The following GRIA1 variants were observed in gnomAD, a reference collection of about 807,000 sequenced individuals.
The protein encoded by GRIA1 is glutamate receptor 1.
A neutral mutation model predicts 99.2 loss-of-function variants in GRIA1; 31 were observed. The ratio of observed to expected loss-of-function variants is 0.31; its 90% CI spans 0.23 to 0.42. The LOEUF (loss-of-function observed/expected upper bound fraction) is 0.42, where lower values mean the gene tolerates loss of function less well. GRIA1 is among the 10% of genes least tolerant of loss of function. The pLI is 1.00. For synonymous variants in GRIA1, 438 were observed against 432.4 expected (o/e 1.01, Z -0.16); for missense variants, 782 against 1,157.5 (o/e 0.68, Z 4.71).
chr5:153,704,747 C>T (rs1420162079), intron 10 of GRIA1, among the ~76,000 whole-genome samples: 2 of 152,168 alleles, frequency 1.3e-5, no homozygotes, highest in African/African-American at 4.8e-5. Flanking sequence ...TATATGCCAC[C>T]TCTTCCAAGA....
At chr5:153,793,629 TAA>T (rs1048323452) in intron 13 of GRIA1, among the ~76,000 whole-genome samples, 2 of 152,216 alleles carry the variant, frequency 1.3e-5, no homozygotes, top group Non-Finnish European at 2.9e-5. Flanking sequence ...TAAACCCTTA[TAA>T]GTCACACTTG....
intron 2 of GRIA1, among the ~76,000 whole-genome samples, chr5:153,613,596 T>A (rs1201435894): frequency 6.6e-6 from 1 of 151,988 alleles, no homozygotes; most frequent in Non-Finnish European, 1.5e-5. Flanking sequence ...CCTCTCTTCC[T>A]CTCCTTTATA....
At chr5:153,611,014 A>T (rs985529188) in intron 2 of GRIA1, among the ~76,000 whole-genome samples, 1 of 152,086 alleles carries the variant, frequency 6.6e-6, no homozygotes, top group East Asian at 1.9e-4. Flanking sequence ...TCTTAGTTGG[A>T]TATGGGGATT....
At chr5:153,733,120 G>T (rs1761158280) in intron 11 of GRIA1, among the ~76,000 whole-genome samples, 1 of 151,250 alleles carries the variant, frequency 6.6e-6, no homozygotes, top group Admixed American at 6.6e-5. Flanking sequence ...ATTTGTTATT[G>T]GTTTGTTATA....
chr5:153,717,439 T>C (rs1455024805), intron 11 of GRIA1, among the ~76,000 whole-genome samples: 1 of 152,016 alleles, frequency 6.6e-6, no homozygotes. Flanking sequence ...TACCAATGAA[T>C]ACCTAGAAAG....
intron 2 of GRIA1, among the ~76,000 whole-genome samples, chr5:153,496,202 T>C (rs906343850): frequency 2.6e-5 from 4 of 152,254 alleles, no homozygotes; most frequent in African/African-American, 9.6e-5. Context: ...ATAGGGTTAA[T>C]GACTGTTTAT....
At chr5:153,691,398 T>C (rs554318013) in intron 8 of GRIA1, among the ~76,000 whole-genome samples, 2 of 152,298 alleles carry the variant, frequency 1.3e-5, no homozygotes, top group South Asian at 4.1e-4. Context: ...CCCATCACCA[T>C]TGTTCCTATA....
intron 2 of GRIA1, among the ~76,000 whole-genome samples, chr5:153,528,568 C>G (rs1013196989): frequency 9.9e-5 from 15 of 152,168 alleles, no homozygotes; most frequent in Admixed American, 6.5e-5. Flanking sequence ...TGCATTTCTA[C>G]CAAGTTCCAG....
intron 5 of GRIA1, among the ~76,000 whole-genome samples, chr5:153,658,244 G>T (rs1207172936): frequency 6.6e-6 from 1 of 152,112 alleles, no homozygotes; most frequent in Non-Finnish European, 1.5e-5. Flanking sequence ...CAAGGGTGGG[G>T]ATAGGCATAA....
intron 2 of GRIA1, among the ~76,000 whole-genome samples, chr5:153,629,708 C>T (rs768523574): frequency 6.6e-6 from 1 of 152,250 alleles, no homozygotes; most frequent in South Asian, 2.1e-4. Flanking sequence ...TTAGGATCCT[C>T]ATCTTGGAAA....
intron 12 of GRIA1, among the ~76,000 whole-genome samples, chr5:153,766,946 C>A (rs937882486): frequency 9.2e-5 from 14 of 152,304 alleles, no homozygotes; most frequent in African/African-American, 2.9e-4. Flanking sequence ...GTGCCCAGGC[C>A]TACTACATTG....
In GRIA1 at chr5:153,699,085, G is replaced by A. The variant is rs1324115377; in HGVS notation, c.1452+12G>A. On this transcript the variant is annotated intron_variant, in intron 10 of 15. Coordinates refer to ENST00000285900, the MANE Select transcript of GRIA1 (RefSeq NM_000827.4). ...AGCTGGTCTATGGAGTAAGTTCACT[G>A]CAGGGTGGGAAATTAGAGGGCGGAG... The A allele has an allele frequency of 6.3e-7, 1 of 1,594,684 alleles. No homozygotes were observed.
chr5:153,670,444 T>A (rs76702390), intron 5 of GRIA1, among the ~76,000 whole-genome samples: 1 of 52,470 alleles, frequency 1.9e-5, no homozygotes, highest in Non-Finnish European at 6.3e-5. Context: ...ATTAATTTCA[T>A]TTTTTTTTTT....
At chr5:153,611,838 C>T (rs1493383) in intron 2 of GRIA1, among the ~76,000 whole-genome samples, 21,418 of 152,240 alleles carry the variant, frequency 0.14, 1,710 homozygotes, top group Middle Eastern at 0.21. Flanking sequence ...CTCACCGGCT[C>T]ATTTGTTCAT....
At chr5:153,663,500 G>C (rs2963957) in intron 5 of GRIA1, among the ~76,000 whole-genome samples, 68,451 of 152,062 alleles carry the variant, frequency 0.45, 16,191 homozygotes, top group Non-Finnish European at 0.5. Flanking sequence ...CACTTCTCCT[G>C]TTTGTACCTC....
intron 11 of GRIA1, among the ~76,000 whole-genome samples, chr5:153,746,735 AGAGAATAGCTT>A (rs1158112044): frequency 3.9e-5 from 6 of 152,250 alleles, no homozygotes; most frequent in Admixed American, 2.6e-4. Context: ...AGCTATAAAA[AGAGAATAGCTT>A]CTTCTAAGAA....
intron 11 of GRIA1, among the ~76,000 whole-genome samples, chr5:153,746,552 A>AGAT (rs1289161775): frequency 1.1e-4 from 17 of 152,208 alleles, no homozygotes; most frequent in Admixed American, 6.5e-5. Flanking sequence ...GTTTGGCCAC[A>AGAT]GATGACAATG....
At chr5:153,570,105 C>T (rs1045736346) in intron 2 of GRIA1, among the ~76,000 whole-genome samples, 4 of 152,086 alleles carry the variant, frequency 2.6e-5, no homozygotes, top group African/African-American at 4.8e-5. Context: ...TCAGATAATC[C>T]ACACTGATTC....
chr5:153,657,339 G>A (rs1755031300), intron 5 of GRIA1, among the ~76,000 whole-genome samples: 1 of 152,130 alleles, frequency 6.6e-6, no homozygotes, highest in African/African-American at 2.4e-5. Flanking sequence ...TTTGAATGAT[G>A]GCAAGTGTCT....
Sources: allele counts gnomAD v4.1 joint callset (sites outside exome capture counted in the v4.1 genomes callset), GRCh38; gene constraint gnomAD v4.1.1; transcripts MANE v1.5; gene names NCBI Gene and HGNC (gene_info 2026-07-23, HGNC 2026-07-21).